CNTNAP2: variants seen among roughly 807,000 people sequenced by gnomAD.
CNTNAP2 encodes the protein contactin-associated protein-like 2.
CNTNAP2 carries 98 observed loss-of-function variants against 155.2 expected under a neutral mutation model. The ratio of observed to expected loss-of-function variants is 0.63; its 90% CI spans 0.54 to 0.75. The LOEUF (loss-of-function observed/expected upper bound fraction) is 0.75, where lower values mean the gene tolerates loss of function less well. Among genes scored for constraint, CNTNAP2 ranks in the 30% least tolerant of loss-of-function variants. CNTNAP2 has a pLI of 0.00. For missense variants in CNTNAP2, 1,727 were observed against 1,688.1 expected, an observed-to-expected ratio of 1.02 and a Z score of -0.40; for synonymous variants, 651 against 631.2, an observed-to-expected ratio of 1.03 and a Z score of -0.47.
intron 3 of CNTNAP2, among the ~76,000 whole-genome samples, chr7:146,974,446 A>C (rs1797866883): frequency 6.6e-6 from 1 of 151,252 alleles, no homozygotes; most frequent in Non-Finnish European, 1.5e-5. Context: ...CTTAAAAAAA[A>C]ATAAAAAATA....
At chr7:147,359,484 C>T (rs1178089736) in intron 9 of CNTNAP2, among the ~76,000 whole-genome samples, 1 of 152,134 alleles carries the variant, frequency 6.6e-6, no homozygotes, top group East Asian at 1.9e-4. Flanking sequence ...TTACCCTCTC[C>T]TTATGACCTT....
chr7:146,573,932 A>C (rs1160695121), intron 1 of CNTNAP2, among the ~76,000 whole-genome samples: 1 of 152,214 alleles, frequency 6.6e-6, no homozygotes, highest in East Asian at 1.9e-4. Context: ...CTGGCACATA[A>C]AAAATGTGGT....
At chr7:146,537,416 A>G (rs961791654) in intron 1 of CNTNAP2, among the ~76,000 whole-genome samples, 1 of 152,158 alleles carries the variant, frequency 6.6e-6, no homozygotes, top group Non-Finnish European at 1.5e-5. Context: ...TTATTTACTT[A>G]CTAAGTTTGT....
chr7:146,816,870 T>G (rs910056571), intron 2 of CNTNAP2, among the ~76,000 whole-genome samples: 4 of 152,226 alleles, frequency 2.6e-5, no homozygotes, highest in African/African-American at 9.6e-5. Flanking sequence ...CAATAGCACT[T>G]GTCTCCTACA....
intron 1 of CNTNAP2, among the ~76,000 whole-genome samples, chr7:146,588,571 A>G (rs1312754545): frequency 6.6e-6 from 1 of 151,884 alleles, no homozygotes; most frequent in African/African-American, 2.4e-5. Flanking sequence ...CAGTGGCATT[A>G]TCACTGCTCA....
chr7:147,593,075 C>A (rs1313363682), intron 12 of CNTNAP2, among the ~76,000 whole-genome samples: 1 of 152,084 alleles, frequency 6.6e-6, no homozygotes, highest in East Asian at 1.9e-4. Context: ...CTTTCTGTAA[C>A]TCTTACAAAA....
At chr7:146,434,686 T>C (rs1245769727) in intron 1 of CNTNAP2, among the ~76,000 whole-genome samples, 1 of 152,210 alleles carries the variant, frequency 6.6e-6, no homozygotes, top group Non-Finnish European at 1.5e-5. Context: ...GGCACAATTA[T>C]GTAGTTTCTG....
intron 15 of CNTNAP2, among the ~76,000 whole-genome samples, chr7:148,042,568 T>A (rs757911693): frequency 2.0e-5 from 3 of 152,158 alleles, no homozygotes; most frequent in Admixed American, 6.5e-5. Context: ...GCTAACTTGG[T>A]CTACCCTCTG....
intron 8 of CNTNAP2, among the ~76,000 whole-genome samples, chr7:147,140,543 C>T (rs1051787176): frequency 6.6e-6 from 1 of 152,112 alleles, no homozygotes; most frequent in Non-Finnish European, 1.5e-5. Context: ...CTGCTGCTAT[C>T]AATCCTTGTG....
intron 1 of CNTNAP2, among the ~76,000 whole-genome samples, chr7:146,150,300 G>C (rs1033872177): frequency 1.3e-5 from 2 of 152,050 alleles, no homozygotes; most frequent in African/African-American, 4.8e-5. Context: ...ATACTCTGCT[G>C]GTTGGAATGA....
Position 147,968,565 on chromosome 7 carries a change from C to T in CNTNAP2, c.2256-9297C>T, listed in dbSNP as rs145474870. On this transcript the variant is annotated intron_variant, in intron 14 of 23. Coordinates refer to ENST00000361727, the MANE Select transcript of CNTNAP2 (RefSeq NM_014141.6). Reference sequence around the variant, plus strand: ...GAGGGGTGTGAACAGAGGGACCTGCCGCTTATTTGCCTTTCTGATGATCCA... The same window carrying T: ...GAGGGGTGTGAACAGAGGGACCTGCTGCTTATTTGCCTTTCTGATGATCCA... 3.4e-3 allele frequency among the ~76,000 whole-genome samples: 517 copies of T among 152,200 alleles called. 2 individuals are homozygous for T. Among genetic ancestry groups the T allele is most frequent in the African/African-American group, 0.011 (451 of 41,522 alleles).
intron 15 of CNTNAP2, among the ~76,000 whole-genome samples, chr7:148,063,102 T>C (rs1803186938): frequency 6.6e-6 from 1 of 152,146 alleles, no homozygotes; most frequent in African/African-American, 2.4e-5. Flanking sequence ...TTGAAAGATA[T>C]TGTCACTGGG....
chr7:146,653,553 G>T (rs984282433), intron 1 of CNTNAP2, among the ~76,000 whole-genome samples: 3 of 152,104 alleles, frequency 2.0e-5, no homozygotes, highest in African/African-American at 7.2e-5. Context: ...ATCCCAAAGT[G>T]TCTTTTGGAA....
intron 9 of CNTNAP2, among the ~76,000 whole-genome samples, chr7:147,316,831 C>T (rs10952679): frequency 6.6e-6 from 1 of 152,132 alleles, no homozygotes. Flanking sequence ...GAGTATTATG[C>T]AGCCACCCAA....
chr7:146,528,736 G>C (rs1419041926), intron 1 of CNTNAP2, among the ~76,000 whole-genome samples: 1 of 152,008 alleles, frequency 6.6e-6, no homozygotes, highest in East Asian at 1.9e-4. Flanking sequence ...AGTCATCAAT[G>C]GTGTTTAGAG....
At chr7:146,619,589 A>G (rs1242112031) in intron 1 of CNTNAP2, among the ~76,000 whole-genome samples, 2 of 152,206 alleles carry the variant, frequency 1.3e-5, no homozygotes, top group Non-Finnish European at 2.9e-5. Flanking sequence ...AGAATTTTAT[A>G]TGACATAATT....
At chr7:146,794,546 G>A (rs1380890966) in intron 2 of CNTNAP2, among the ~76,000 whole-genome samples, 2 of 152,182 alleles carry the variant, frequency 1.3e-5, no homozygotes, top group Middle Eastern at 3.2e-3. Context: ...CCAAAGTGGG[G>A]ATTAAAGTAT....
rs913039377 is a variant in CNTNAP2 at position 146,562,916 on chromosome 7, A to T, written c.98-211355A>T. Among the ~76,000 whole-genome samples the T allele has an allele frequency of 3.9e-5, 6 of 152,120 alleles. No individual in the cohort carries two copies. In the East Asian group the frequency reaches 9.6e-4, roughly 24 times the overall value. On this transcript the variant is annotated intron_variant, in intron 1 of 23. Transcript: ENST00000361727. ...TTAAATATAACATGCAGACGCCTAAACTACACAGCAGACACTCTATTAGGT... is the reference window on the plus strand; with the variant it reads ...TTAAATATAACATGCAGACGCCTAATCTACACAGCAGACACTCTATTAGGT...
At chr7:146,850,654 G>A (rs1364106122) in intron 3 of CNTNAP2, among the ~76,000 whole-genome samples, 2 of 152,058 alleles carry the variant, frequency 1.3e-5, no homozygotes, top group Non-Finnish European at 2.9e-5. Flanking sequence ...GGTAATGGAT[G>A]TGTTAACTAA....
Sources: allele counts gnomAD v4.1 joint callset (sites outside exome capture counted in the v4.1 genomes callset), GRCh38; gene constraint gnomAD v4.1.1; transcripts MANE v1.5; gene names NCBI Gene and HGNC (gene_info 2026-07-23, HGNC 2026-07-21).